ALPK2: variants seen among roughly 807,000 people sequenced by gnomAD.
ALPK2 encodes the protein alpha kinase 2.
ALPK2 carries 127 observed loss-of-function variants against 163.1 expected under a neutral mutation model. The observed-to-expected ratio is 0.78, with a 90% confidence interval of 0.67 to 0.90. The LOEUF is 0.90. Among genes scored for constraint, ALPK2 ranks in the 40% least tolerant of loss-of-function variants. The pLI is 0.00. For synonymous variants in ALPK2, 953 were observed against 959.1 expected (o/e 0.99, Z 0.12); for missense variants, 2,360 against 2,589.6 (o/e 0.91, Z 1.92).
chr18:58,626,298 A>G (rs916323792), intron 1 of ALPK2, among the ~76,000 whole-genome samples: 19 of 151,914 alleles, frequency 1.3e-4, no homozygotes, highest in Non-Finnish European at 2.1e-4. Context: ...CTCCCTATTC[A>G]TTGTGTACTT....
At chr18:58,520,380 G>C (rs1367964768) in intron 8 of ALPK2, among the ~76,000 whole-genome samples, 1 of 122,820 alleles carries the variant, frequency 8.1e-6, no homozygotes, top group Non-Finnish European at 1.6e-5. Flanking sequence ...AGTGAGCCGA[G>C]ATCTTGCCAT....
chr18:58,606,154 C>G (rs568925453), intron 3 of ALPK2, among the ~76,000 whole-genome samples: 5 of 152,216 alleles, frequency 3.3e-5, no homozygotes, highest in Admixed American at 6.5e-5. Flanking sequence ...TCATAGCTCA[C>G]TACAGCCTCA....
At chr18:58,594,111 G>A (rs564198652) in intron 3 of ALPK2, among the ~76,000 whole-genome samples, 2 of 152,082 alleles carry the variant, frequency 1.3e-5, no homozygotes, top group Non-Finnish European at 2.9e-5. Flanking sequence ...ACACGTCAGG[G>A]AACAGGCATG....
At chr18:58,573,280 A>G (rs200762211) in intron 4 of ALPK2, among the ~76,000 whole-genome samples, 8 of 146,758 alleles carry the variant, frequency 5.5e-5, no homozygotes, top group African/African-American at 1.5e-4. Flanking sequence ...ATATGTATAT[A>G]TGTGTATATA....
intron 10 of ALPK2, among the ~76,000 whole-genome samples, chr18:58,505,103 A>G (rs1274772942): frequency 1.3e-5 from 2 of 151,964 alleles, no homozygotes; most frequent in Admixed American, 6.6e-5. Context: ...GCAAGTGGGG[A>G]AGGGACAGGA....
At chr18:58,528,056 C>T (rs773328455) in intron 6 of ALPK2, among the ~76,000 whole-genome samples, 1 of 152,128 alleles carries the variant, frequency 6.6e-6, no homozygotes, top group Non-Finnish European at 1.5e-5. Flanking sequence ...ACTTTTGAAC[C>T]AGGTGATTTG....
Position 58,580,035 on chromosome 18 carries a change from C to T in ALPK2, c.741G>A (p.Leu247=). 1 of 1,614,252 alleles carries T rather than the reference C, an allele frequency of 6.2e-7. No individual in the cohort carries two copies. Among genetic ancestry groups the T allele is most frequent in the Non-Finnish European group, 8.5e-7 (1 of 1,180,042 alleles). Residue 247 remains leucine, a synonymous_variant, in exon 4 of 13, where the codon CTG becomes CTA. Coordinates refer to ENST00000361673, the MANE Select transcript of ALPK2 (RefSeq NM_052947.4). Reference sequence around the variant, plus strand: ...CTTCATCATGAGGACCATCATTGTTCAGGTCACCATCCGTGAACTTTGATG... The same window carrying T: ...CTTCATCATGAGGACCATCATTGTTTAGGTCACCATCCGTGAACTTTGATG... ...SMASKFTDGD[L]NNDGPHDEGL... is the part of the protein sequence containing the mutation.
chr18:58,500,214 CT>C (rs1458396774), intron 11 of ALPK2, among the ~76,000 whole-genome samples: 3 of 145,076 alleles, frequency 2.1e-5, no homozygotes, highest in Non-Finnish European at 4.5e-5. Flanking sequence ...CTTCACATAG[CT>C]TTTATTGCAG....
In ALPK2 at chr18:58,597,746, C is replaced by T. The variant is rs530853937; in HGVS notation, c.227+9576G>A. Among the ~76,000 whole-genome samples the T allele has an allele frequency of 9.2e-5, 14 of 152,260 alleles. No homozygotes were observed. In the South Asian group the frequency reaches 2.1e-3, roughly 23 times the overall value. On this transcript the variant is annotated intron_variant, in intron 3 of 12. Coordinates refer to ENST00000361673, the MANE Select transcript of ALPK2 (RefSeq NM_052947.4). ...CTGTGCTAGCTACTGAATTATGTCC[C>T]CCACCAAGTCATATGTTGAAGCCCT...
intron 3 of ALPK2, among the ~76,000 whole-genome samples, chr18:58,591,125 G>C (rs1004803012): frequency 2.0e-5 from 3 of 152,216 alleles, no homozygotes; most frequent in Admixed American, 2.0e-4. Context: ...TCCTCCCTTT[G>C]TCTCTGCTGC....
chr18:58,601,159 G>A (rs1230243924), intron 3 of ALPK2, among the ~76,000 whole-genome samples: 1 of 152,080 alleles, frequency 6.6e-6, no homozygotes, highest in Non-Finnish European at 1.5e-5. Context: ...GGAAGGCTGA[G>A]GCAGGAAAAT....
At chr18:58,620,905 C>T (rs1222827020) in intron 1 of ALPK2, among the ~76,000 whole-genome samples, 1 of 152,110 alleles carries the variant, frequency 6.6e-6, no homozygotes. Flanking sequence ...TGTGTAATCC[C>T]AGCACTTTGG....
Position 58,579,768 on chromosome 18 carries a change from C to A in ALPK2, c.1008G>T (p.Met336Ile). 6.2e-7 allele frequency: 1 copy of A among 1,614,202 alleles called. No homozygotes were observed. Among genetic ancestry groups the A allele is most frequent in the South Asian group, 1.1e-5 (1 of 91,076 alleles). ...DLEYLECSDV[M>I]TDYSNAVWQR... ...GCCAAACTGCATTAGAGTAATCCGTCATAACATCAGAACATTCCAGATACT... is the reference window on the plus strand; with the variant it reads ...GCCAAACTGCATTAGAGTAATCCGTAATAACATCAGAACATTCCAGATACT... The change falls in exon 4 of 13, where the codon ATG becomes ATT. Residue 336 changes from methionine to isoleucine, a missense_variant. By Grantham distance (10) the Met-to-Ile change is conservative. Coordinates refer to ENST00000361673, the MANE Select transcript of ALPK2 (RefSeq NM_052947.4).
chr18:58,529,011 ATTCTTTT>A (rs2051598104), intron 6 of ALPK2, 73 bp downstream of exon 6: 3 of 1,567,356 alleles, frequency 1.9e-6, no homozygotes, highest in Middle Eastern at 3.4e-4. Context: ...CCTATAATTT[ATTCTTTT>A]TTCTTTTTTA....
chr18:58,536,333 A>G lies in ALPK2; in HGVS notation c.3854T>C (p.Val1285Ala). The G allele has an allele frequency of 6.2e-7, 1 of 1,614,230 alleles. No individual in the cohort carries two copies. The highest frequency in any genetic ancestry group is 8.5e-7 in the Non-Finnish European group (1 of 1,180,036). ...VPDSLKADAV[V>A]PELAPSEIAA... ...TATTTCAGAGGGGGCCAATTCAGGCACAACAGCATCTGCCTTTAGACTATC... is the reference window on the plus strand; with the variant it reads ...TATTTCAGAGGGGGCCAATTCAGGCGCAACAGCATCTGCCTTTAGACTATC... The change falls in exon 5 of 13, where the codon GTG (valine) becomes GCG (alanine). Residue 1285 changes from valine to alanine, a missense_variant. Transcript: ENST00000361673.
At chr18:58,618,701 C>T (rs1378388577) in intron 1 of ALPK2, among the ~76,000 whole-genome samples, 3 of 152,192 alleles carry the variant, frequency 2.0e-5, no homozygotes, top group Admixed American at 6.5e-5. Flanking sequence ...AGAACAAAGG[C>T]TATAGGAGCG....
At chr18:58,553,593 T>C (rs1411408894) in intron 4 of ALPK2, among the ~76,000 whole-genome samples, 1 of 152,178 alleles carries the variant, frequency 6.6e-6, no homozygotes, top group East Asian at 1.9e-4. Context: ...AATTGAACAA[T>C]GGGGGCGGTT....
At chr18:58,526,803 G>C (rs897005753) in intron 6 of ALPK2, among the ~76,000 whole-genome samples, 1 of 152,192 alleles carries the variant, frequency 6.6e-6, no homozygotes, top group African/African-American at 2.4e-5. Context: ...GTTAAGGAAA[G>C]TACCCAAAAC....
At position 58,580,228 on chromosome 18, in the gene ALPK2, C is replaced by G. The variant is rs370101782; in HGVS notation, c.548G>C (p.Ser183Thr). ...CAAAGGATTTTCAGAACTGGACACA[C>G]TAATGTCAAGATTGCCCAATGACTG... ...SLQSLGNLDISVSSSENPLGV... is the reference protein window; with the variant it reads ...SLQSLGNLDITVSSSENPLGV... The change falls in exon 4 of 13, where the codon AGT (serine) becomes ACT (threonine). Residue 183 changes from serine to threonine, a missense_variant. Transcript: ENST00000361673. 2.5e-6 allele frequency: 4 copies of G among 1,614,094 alleles called. No individual in the cohort carries two copies. Among genetic ancestry groups the G allele is most frequent in the Non-Finnish European group, 3.4e-6 (4 of 1,180,042 alleles).
Sources: gnomAD v4.1 joint callset for allele counts (sites outside exome capture counted in the v4.1 genomes callset) on GRCh38, gnomAD v4.1.1 for gene constraint, MANE v1.5 for transcripts, NCBI Gene and HGNC (gene_info 2026-07-23, HGNC 2026-07-21) for gene names.